The following B3GALT1 variants were observed in gnomAD, a reference collection of about 807,000 sequenced individuals.
B3GALT1 encodes UDP-Gal:betaGlcNAc beta 1,3-galactosyltransferase, polypeptide 1.
Under a neutral mutation model 23.2 loss-of-function variants are expected in B3GALT1, and 10 were observed. That is an observed-to-expected ratio of 0.43 (90% CI 0.27 to 0.73). The LOEUF (loss-of-function observed/expected upper bound fraction) is 0.73, where lower values mean the gene tolerates loss of function less well. Ranked by LOEUF, B3GALT1 falls within the 30% of genes least tolerant of loss-of-function variation. B3GALT1 has a pLI of 0.21. For missense variants in B3GALT1, 299 were observed against 405.4 expected, an observed-to-expected ratio of 0.74 and a Z score of 2.25; for synonymous variants, 156 against 141.5, an observed-to-expected ratio of 1.10 and a Z score of -0.73.
chr2:167,832,819 A>C (rs1434311611), intron 4 of B3GALT1, among the ~76,000 whole-genome samples: 1 of 152,266 alleles, frequency 6.6e-6, no homozygotes, highest in East Asian at 1.9e-4. Flanking sequence ...AGTGCAGTGT[A>C]GTAGTTAAAT....
At chr2:167,837,825 C>A (rs1320418134) in intron 4 of B3GALT1, among the ~76,000 whole-genome samples, 6 of 150,864 alleles carry the variant, frequency 4.0e-5, no homozygotes, top group African/African-American at 2.4e-5. Flanking sequence ...ATAACAAACT[C>A]TCTCTCAGAC....
chr2:167,843,749 G>A (rs535808913), intron 4 of B3GALT1, among the ~76,000 whole-genome samples: 4 of 152,284 alleles, frequency 2.6e-5, no homozygotes, highest in Admixed American at 2.0e-4. Context: ...TCAATTGCCT[G>A]TATTGTTCCT....
intron 1 of B3GALT1, among the ~76,000 whole-genome samples, chr2:167,364,031 G>A (rs1319891032): frequency 1.3e-5 from 2 of 151,912 alleles, no homozygotes; most frequent in Non-Finnish European, 2.9e-5. Flanking sequence ...AGGCATGGCG[G>A]CTGGCACCTA....
At chr2:167,383,620 C>T (rs533416682) in intron 1 of B3GALT1, among the ~76,000 whole-genome samples, 5 of 152,204 alleles carry the variant, frequency 3.3e-5, no homozygotes, top group Admixed American at 6.5e-5. Context: ...GATCAGGGAT[C>T]GTATTTTTCA....
At chr2:167,590,105 G>C (rs1051205481) in intron 2 of B3GALT1, among the ~76,000 whole-genome samples, 15 of 152,092 alleles carry the variant, frequency 9.9e-5, no homozygotes, top group Non-Finnish European at 2.1e-4. Context: ...CCAGCATTTT[G>C]GGAGGCCGAG....
At chr2:167,651,275 CGCACGTGCACACATGTGTGCGT>C (rs1342005455) in intron 3 of B3GALT1, among the ~76,000 whole-genome samples, 5 of 10,558 alleles carry the variant, frequency 4.7e-4, no homozygotes, top group African/African-American at 8.7e-4. Context: ...TGTGTGTGCG[CGCACGTGCACACATGTGTGCGT>C]GAGAAAGAGA....
chr2:167,626,041 G>A (rs1165787182), intron 2 of B3GALT1, among the ~76,000 whole-genome samples: 2 of 144,962 alleles, frequency 1.4e-5, no homozygotes, highest in South Asian at 2.2e-4. Context: ...CACTTTGAAG[G>A]GAACAATTTT....
chr2:167,867,996 T>C (rs1255658265), intron 4 of B3GALT1, among the ~76,000 whole-genome samples: 1 of 152,128 alleles, frequency 6.6e-6, no homozygotes, highest in Non-Finnish European at 1.5e-5. Context: ...TAGGCAAATG[T>C]AACTAGGTAA....
At chr2:167,413,458 A>G (rs1698422002) in intron 1 of B3GALT1, among the ~76,000 whole-genome samples, 1 of 152,024 alleles carries the variant, frequency 6.6e-6, no homozygotes, top group African/African-American at 2.4e-5. Flanking sequence ...AGAAGAGGGT[A>G]TGATAAAATC....
intron 3 of B3GALT1, among the ~76,000 whole-genome samples, chr2:167,771,773 A>G (rs4144084): frequency 0.61 from 92,199 of 152,016 alleles, 29,135 homozygotes; most frequent in East Asian, 0.85. Flanking sequence ...CCCTTCTACT[A>G]TGCAAAAGTA....
At chr2:167,842,519 T>C (rs1166995820) in intron 4 of B3GALT1, among the ~76,000 whole-genome samples, 1 of 152,246 alleles carries the variant, frequency 6.6e-6, no homozygotes, top group African/African-American at 2.4e-5. Context: ...CCTAGATTGC[T>C]AATAAGTTGT....
chr2:167,365,493 TTAATCACCCCTA>T (rs1166526498), intron 1 of B3GALT1, among the ~76,000 whole-genome samples: 3 of 152,042 alleles, frequency 2.0e-5, no homozygotes, highest in African/African-American at 7.2e-5. Context: ...GATATTTTTC[TTAATCACCCCTA>T]GTTTGCAAGA....
chr2:167,586,241 T>C (rs1460028720), intron 2 of B3GALT1, among the ~76,000 whole-genome samples: 1 of 152,230 alleles, frequency 6.6e-6, no homozygotes, highest in Non-Finnish European at 1.5e-5. Flanking sequence ...GAAGCAGCAA[T>C]GTGCAAAGTC....
intron 3 of B3GALT1, among the ~76,000 whole-genome samples, chr2:167,696,027 C>T (rs1686786990): frequency 6.6e-6 from 1 of 152,020 alleles, no homozygotes; most frequent in African/African-American, 2.4e-5. Context: ...CACGTTGCAA[C>T]AAGGAAAAAT....
intron 1 of B3GALT1, among the ~76,000 whole-genome samples, chr2:167,423,182 A>G (rs531185066): frequency 2.0e-5 from 3 of 152,184 alleles, no homozygotes; most frequent in African/African-American, 7.2e-5. Flanking sequence ...ATCAAGAGGC[A>G]GTATTGTAAA....
intron 1 of B3GALT1, among the ~76,000 whole-genome samples, chr2:167,459,039 T>G (rs1415660520): frequency 1.3e-5 from 2 of 152,176 alleles, no homozygotes; most frequent in African/African-American, 4.8e-5. Context: ...AGACAGAATG[T>G]AGTTGGATTT....
intron 1 of B3GALT1, among the ~76,000 whole-genome samples, chr2:167,322,164 G>A (rs1696824721): frequency 6.6e-6 from 1 of 151,804 alleles, no homozygotes; most frequent in African/African-American, 2.4e-5. Flanking sequence ...TGGTTAAAAT[G>A]TATTCCTAAT....
intron 1 of B3GALT1, among the ~76,000 whole-genome samples, chr2:167,412,429 G>A (rs1219110210): frequency 2.6e-5 from 4 of 152,060 alleles, no homozygotes; most frequent in Non-Finnish European, 5.9e-5. Flanking sequence ...CAATCAAATA[G>A]AGAAATGAGC....
At chr2:167,446,222 C>T (rs1412187950) in intron 1 of B3GALT1, among the ~76,000 whole-genome samples, 1 of 152,212 alleles carries the variant, frequency 6.6e-6, no homozygotes, top group African/African-American at 2.4e-5. Context: ...AGAGTTTCTG[C>T]TGAGAGATCT....
Sources: gnomAD v4.1 joint callset for allele counts (sites outside exome capture counted in the v4.1 genomes callset) on GRCh38, gnomAD v4.1.1 for gene constraint, MANE v1.5 for transcripts, NCBI Gene and HGNC (gene_info 2026-07-23, HGNC 2026-07-21) for gene names.